The following FKBP9 variants were observed in gnomAD, a reference collection of about 807,000 sequenced individuals.
The protein encoded by FKBP9 is peptidyl-prolyl cis-trans isomerase FKBP9.
In FKBP9, 27 loss-of-function variants were observed where a neutral mutation model predicts 55.6. The observed-to-expected ratio is 0.49, with a 90% confidence interval of 0.36 to 0.67. The LOEUF (loss-of-function observed/expected upper bound fraction) is 0.67, where lower values mean the gene tolerates loss of function less well. Ranked by LOEUF, FKBP9 falls within the 30% of genes least tolerant of loss-of-function variation. The pLI is 0.00. For synonymous variants in FKBP9, 267 were observed against 296.5 expected, an observed-to-expected ratio of 0.90 and a Z score of 1.02; for missense variants, 539 against 742.8, an observed-to-expected ratio of 0.73 and a Z score of 3.19.
intron 1 of FKBP9, among the ~76,000 whole-genome samples, chr7:32,963,946 C>T (rs1269286994): frequency 2.0e-5 from 3 of 152,202 alleles, no homozygotes; most frequent in Non-Finnish European, 2.9e-5. Context: ...CCAGGCTCAC[C>T]CTTTCAGCAG....
At chr7:32,981,166 C>G (rs1291191654) in intron 5 of FKBP9, among the ~76,000 whole-genome samples, 1 of 151,592 alleles carries the variant, frequency 6.6e-6, no homozygotes, top group Non-Finnish European at 1.5e-5. Flanking sequence ...TAGCCCCTGT[C>G]TGTGGTGCAC....
chr7:32,988,984 A>G (rs1169686940), intron 6 of FKBP9: 2 of 181,710 alleles, frequency 1.1e-5, no homozygotes, highest in African/African-American at 2.3e-5. Context: ...TTGTCCTGTT[A>G]TTTCTCCTTG....
rs529591112 is a variant in FKBP9 at position 32,960,796 on chromosome 7, C to T, written c.221+3002C>T. On this transcript the variant is annotated intron_variant, in intron 1 of 9. Transcript: ENST00000242209. ...CTACCACTTACAGCCTAGGCTATTA[C>T]AACATGGTGTGATAAGTACAGTAAG... 5.9e-5 allele frequency among the ~76,000 whole-genome samples: 9 copies of T among 152,330 alleles called. No individual in the cohort carries two copies. The East Asian group carries it at 1.7e-3, about 29-fold the overall frequency.
chr7:33,005,018 G>C (rs1562578498), intron 9 of FKBP9, among the ~76,000 whole-genome samples, 157 bp from the exon 10 acceptor site: 1 of 152,098 alleles, frequency 6.6e-6, no homozygotes, highest in Non-Finnish European at 1.5e-5. Flanking sequence ...ACAAAACACA[G>C]ATCATAGGTC....
rs200192440 is a variant in FKBP9, at chr7:33,006,632, G to A, written c.*1281G>A. The A allele has an allele frequency of 3.0e-3, 639 of 213,744 alleles. 5 individuals carry two copies. The highest frequency in any genetic ancestry group is 0.011 in the East Asian group (164 of 14,582). 13.2% of individuals were successfully genotyped at this position (213,744 alleles called of 1,614,324 possible). On this transcript the variant is annotated 3_prime_UTR_variant, in exon 10 of 10. Coordinates refer to ENST00000242209, the MANE Select transcript of FKBP9 (RefSeq NM_007270.5). ...TGCTGCCCATTTGTGTCCTGGAGAC[G>A]GTGGTACCCTGAAGGCAGAGGCCAG...
At chr7:32,970,288 C>T (rs774558562) in intron 1 of FKBP9, among the ~76,000 whole-genome samples, 28 of 152,174 alleles carry the variant, frequency 1.8e-4, no homozygotes, top group Non-Finnish European at 3.7e-4. Context: ...TCTCCACCTC[C>T]CAAGTTCAAG....
intron 1 of FKBP9, among the ~76,000 whole-genome samples, chr7:32,969,532 A>G (rs1479805759): frequency 6.6e-6 from 1 of 152,172 alleles, no homozygotes; most frequent in East Asian, 1.9e-4. Flanking sequence ...TCATTTGACC[A>G]TATAGGCAAA....
At position 32,975,253 on chromosome 7, in the gene FKBP9, C is replaced by G; in HGVS notation, c.439C>G (p.Gln147Glu). The change falls in exon 3 of 10, where the codon CAG (glutamine) becomes GAG (glutamate). Residue 147 changes from glutamine (Q) to glutamate (E), a missense_variant. Physicochemically the swap from Gln to Glu is conservative, Grantham distance 29 (BLOSUM62 2). This residue lies in a region of FKBP9 where 236 missense variants were observed against 271.5 expected (regional missense o/e 0.87). Transcript: ENST00000242209. ...GATGGATATTTGGAATTCTGAAGACCAGGTTCAGATTCACACCTATTTCAA... is the reference window on the plus strand; with the variant it reads ...GATGGATATTTGGAATTCTGAAGACGAGGTTCAGATTCACACCTATTTCAA... ...LLMDIWNSED[Q>E]VQIHTYFKPP... is the part of the protein sequence containing the mutation. 6.2e-7 allele frequency: 1 copy of G among 1,613,572 alleles called. No individual in the cohort carries two copies. Among genetic ancestry groups the G allele is most frequent in the Non-Finnish European group, 8.5e-7 (1 of 1,179,490 alleles).
intron 1 of FKBP9, among the ~76,000 whole-genome samples, chr7:32,961,635 G>A (rs548798521): frequency 4.6e-5 from 7 of 152,282 alleles, no homozygotes; most frequent in East Asian, 1.9e-4. Flanking sequence ...CTGCACAGCC[G>A]GAGGTGAGCA....
At chr7:32,988,015 C>CAA (rs70989919) in intron 5 of FKBP9, among the ~76,000 whole-genome samples, 2 of 145,126 alleles carry the variant, frequency 1.4e-5, no homozygotes. Flanking sequence ...CCCATCTCTA[C>CAA]AAAAAAAAAA....
At chr7:32,960,176 G>A (rs1042251555) in intron 1 of FKBP9, among the ~76,000 whole-genome samples, 21 of 145,844 alleles carry the variant, frequency 1.4e-4, no homozygotes, top group African/African-American at 5.1e-4. Flanking sequence ...GCAATGGTGC[G>A]ATCACAGCTC....
intron 1 of FKBP9, among the ~76,000 whole-genome samples, chr7:32,962,032 T>C (rs1784036317): frequency 1.3e-5 from 2 of 152,052 alleles, no homozygotes; most frequent in African/African-American, 2.4e-5. Flanking sequence ...ACCCCGGTCA[T>C]GGAAAAAGTG....
At chr7:32,979,333 C>G in intron 4 of FKBP9, 1 of 610,318 alleles carries the variant, frequency 1.6e-6, no homozygotes, top group Non-Finnish European at 2.9e-6. Flanking sequence ...TCATTTTTCT[C>G]TTAAATGAAA....
At chr7:32,988,059 A>C (rs1215996351) in intron 5 of FKBP9, among the ~76,000 whole-genome samples, 3 of 151,662 alleles carry the variant, frequency 2.0e-5, no homozygotes, top group African/African-American at 7.3e-5. Context: ...ATGTGCTTGT[A>C]GTCTCAGCTA....
chr7:33,001,525 C>T (rs1472796024), intron 8 of FKBP9, among the ~76,000 whole-genome samples: 1 of 121,322 alleles, frequency 8.2e-6, no homozygotes, highest in Admixed American at 8.9e-5. Context: ...CAGGGCAAGA[C>T]TCCATCTCAG....
chr7:32,986,181 T>C (rs1396129874), intron 5 of FKBP9, among the ~76,000 whole-genome samples: 2 of 152,218 alleles, frequency 1.3e-5, no homozygotes, highest in Non-Finnish European at 2.9e-5. Flanking sequence ...GCCTCTTGGC[T>C]TGGCCCTTGC....
At position 32,986,305 on chromosome 7, in the gene FKBP9, G is replaced by A. The variant is rs562909693; in HGVS notation, c.894-2202G>A. On this transcript the variant is annotated intron_variant, in intron 5 of 9. Transcript: ENST00000242209. ...CAGTGGGCAGCAATCCCCGCTGTGG[G>A]TACCTGCCATCTCTCTCACTACTTG... is the stretch of plus-strand genomic sequence containing the variant. Among the ~76,000 whole-genome samples, 5 of 152,316 alleles carry A rather than the reference G, an allele frequency of 3.3e-5. No individual in the cohort carries two copies. The East Asian group carries it at 7.7e-4, about 24-fold the overall frequency.
chr7:32,996,346 C>T lies in FKBP9; in HGVS notation c.1223C>T (p.Ser408Phe). 1.2e-6 allele frequency: 2 copies of T among 1,611,374 alleles called. No individual in the cohort carries two copies. Among genetic ancestry groups the T allele is most frequent in the Non-Finnish European group, 1.7e-6 (2 of 1,177,914 alleles). The change falls in exon 7 of 10, where the codon TCC becomes TTC. Residue 408 changes from serine (S) to phenylalanine (F), a missense_variant. Ser to Phe is a radical substitution (Grantham distance 155). Transcript: ENST00000242209. The stretch of plus-strand genomic sequence containing the variant: ...CTTCTGGATGGGACCCTGCTGGACT[C>T]CACGTAAGGGCAACCAGAATGGTGT... The part of the protein sequence containing the change: ...ASLLDGTLLD[S>F]TWNLGKTYNI...
intron 3 of FKBP9, among the ~76,000 whole-genome samples, chr7:32,975,882 A>G (rs550650300): frequency 6.6e-6 from 1 of 152,066 alleles, no homozygotes; most frequent in South Asian, 2.1e-4. Flanking sequence ...TCCTGACCTC[A>G]TGATCTGCCT....
Sources: gnomAD v4.1 joint callset for allele counts (sites outside exome capture counted in the v4.1 genomes callset) on GRCh38, gnomAD v4.1.1 for gene constraint, gnomAD v4.1.1 regional missense constraint, MANE v1.5 for transcripts, NCBI Gene and HGNC (gene_info 2026-07-23, HGNC 2026-07-21) for gene names.